Variants in SYT14 observed in about 807,000 individuals in gnomAD.
SYT14 encodes the protein synaptotagmin-14.
A neutral mutation model predicts 74.2 loss-of-function variants in SYT14; 32 were observed. That is an observed-to-expected ratio of 0.43 (90% confidence interval 0.33 to 0.58). The LOEUF (loss-of-function observed/expected upper bound fraction) is 0.58. Ranked by LOEUF, SYT14 falls within the 20% of genes least tolerant of loss-of-function variation. The probability of loss-of-function intolerance (pLI) is 0.05; values close to 1 mark genes in which losing one functional copy is unlikely to be tolerated. For synonymous variants in SYT14, 298 were observed against 337.7 expected (o/e 0.88, Z 1.29); for missense variants, 791 against 981.8 (o/e 0.81, Z 2.60).
intron 2 of SYT14, chr1:209,966,125 C>T (rs112227356): frequency 2.9e-6 from 1 of 344,262 alleles, no homozygotes; most frequent in African/African-American, 2.2e-5. Flanking sequence ...CTGCCTCAAC[C>T]TCGCAAAGTG....
chr1:210,117,804 C>G (rs1410426964), intron 7 of SYT14, among the ~76,000 whole-genome samples: 1 of 152,088 alleles, frequency 6.6e-6, no homozygotes, highest in Non-Finnish European at 1.5e-5. Flanking sequence ...GGTCAAGTCT[C>G]AAGAAATTTT....
At chr1:209,965,935 A>C (rs953639304) in intron 2 of SYT14, 1 of 454,334 alleles carries the variant, frequency 2.2e-6, no homozygotes, top group Non-Finnish European at 4.4e-6. Context: ...CAGTGGCACC[A>C]TCTTGGCTCA....
chr1:210,001,054 G>T (rs1223682498), intron 2 of SYT14, among the ~76,000 whole-genome samples: 1 of 152,178 alleles, frequency 6.6e-6, no homozygotes, highest in African/African-American at 2.4e-5. Context: ...ATGGAGGCTA[G>T]AATTGAATGT....
intron 2 of SYT14, among the ~76,000 whole-genome samples, chr1:209,981,217 G>T (rs2079478405): frequency 1.3e-5 from 2 of 152,072 alleles, no homozygotes; most frequent in South Asian, 4.1e-4. Context: ...TAGGGTCTAT[G>T]GGCTATGTAC....
At chr1:210,013,917 C>T in intron 3 of SYT14, 120 bp downstream of exon 3, 1 of 968,936 alleles carries the variant, frequency 1.0e-6, no homozygotes, top group Non-Finnish European at 1.5e-6. Flanking sequence ...ATTTGAGCTA[C>T]TGTTCTGTAA....
At chr1:209,952,272 T>G (rs1006750695) in intron 1 of SYT14, among the ~76,000 whole-genome samples, 2 of 152,198 alleles carry the variant, frequency 1.3e-5, no homozygotes, top group Non-Finnish European at 2.9e-5. Context: ...AGTGGGTTGT[T>G]GGAGAATATA....
chr1:210,131,463 A>G (rs947652260), intron 7 of SYT14, among the ~76,000 whole-genome samples: 3 of 152,054 alleles, frequency 2.0e-5, no homozygotes, highest in Non-Finnish European at 4.4e-5. Flanking sequence ...TATATACTAT[A>G]CTAAATATCT....
exon 10 of SYT14, chr1:210,168,480 CAT>C (rs757032493): frequency 3.9e-5 from 6 of 152,134 alleles, no homozygotes; most frequent in Non-Finnish European, 7.4e-5. Context: ...ATTACATTAA[CAT>C]GTGATCTCTC....
At chr1:209,977,506 TTTTC>T (rs571910749) in intron 2 of SYT14, among the ~76,000 whole-genome samples, 251 of 152,340 alleles carry the variant, frequency 1.6e-3, no homozygotes, top group Middle Eastern at 3.4e-3. Flanking sequence ...TTGAAAATTC[TTTTC>T]TTTAAGAATG....
chr1:210,156,246 ATTG>A, intron 8 of SYT14, among the ~76,000 whole-genome samples: 1 of 152,298 alleles, frequency 6.6e-6, no homozygotes, highest in South Asian at 2.1e-4. Flanking sequence ...GTATATAGCT[ATTG>A]TTGTTAACTG....
At chr1:210,019,388 A>G (rs1008385171) in intron 4 of SYT14, among the ~76,000 whole-genome samples, 2 of 152,166 alleles carry the variant, frequency 1.3e-5, no homozygotes, top group Non-Finnish European at 2.9e-5. Flanking sequence ...CAACAATGAA[A>G]AAGTCTTATA....
intron 1 of SYT14, among the ~76,000 whole-genome samples, chr1:209,942,368 C>A (rs1012897500): frequency 1.5e-5 from 2 of 132,338 alleles, no homozygotes; most frequent in South Asian, 2.8e-4. Context: ...TTACCCCCCC[C>A]CCCCCGCTCT....
intron 1 of SYT14, among the ~76,000 whole-genome samples, chr1:209,945,053 G>A (rs528585312): frequency 6.6e-6 from 1 of 152,164 alleles, no homozygotes; most frequent in African/African-American, 2.4e-5. Flanking sequence ...GCAGACATCT[G>A]TTTTATTAAG....
chr1:210,131,518 A>T (rs1390804309), intron 7 of SYT14, among the ~76,000 whole-genome samples: 3 of 151,606 alleles, frequency 2.0e-5, no homozygotes, highest in Non-Finnish European at 4.4e-5. Context: ...ACTTATGGAA[A>T]ATTATCCTTC....
At chr1:210,071,935 A>G (rs924577430) in intron 5 of SYT14, among the ~76,000 whole-genome samples, 4 of 151,866 alleles carry the variant, frequency 2.6e-5, no homozygotes, top group South Asian at 2.1e-4. Flanking sequence ...TGTCTTTCAT[A>G]TAATTAGAAG....
exon 10 of SYT14, chr1:210,168,088 TG>T (rs869131220): frequency 6.5e-6 from 1 of 154,068 alleles, no homozygotes; most frequent in South Asian, 2.0e-4. Flanking sequence ...GTGGTGGTGG[TG>T]GTTGTGTACT....
chr1:210,068,709 T>C (rs1040676863), intron 5 of SYT14, among the ~76,000 whole-genome samples: 6 of 151,752 alleles, frequency 4.0e-5, no homozygotes, highest in Admixed American at 3.9e-4. Context: ...GTTTACTTAA[T>C]TCTTTCAGGG....
In SYT14 at chr1:210,156,665, C is replaced by G. The variant is rs923019623; in HGVS notation, c.2224+755C>G. Among the ~76,000 whole-genome samples, 4 of 138,730 alleles carry G rather than the reference C, an allele frequency of 2.9e-5. No individual in the cohort carries two copies. In the South Asian group the frequency reaches 7.2e-4, roughly 25 times the overall value. The allele number at this position is 138,730 out of a possible 152,430, so 91.0% of individuals were successfully genotyped here. A position where few individuals can be genotyped will look rare whatever the true frequency, so the allele number is the denominator to read the frequency against. ...AATGTTGGTACCTAAAAGAGGTAAACTGGGAAAGTGGCAGCTTCTTTTTTT... is the reference window on the plus strand; with the variant it reads ...AATGTTGGTACCTAAAAGAGGTAAAGTGGGAAAGTGGCAGCTTCTTTTTTT... On this transcript the variant is annotated intron_variant, in intron 8 of 9. Coordinates refer to ENST00000637265, the Ensembl canonical transcript of SYT14.
intron 5 of SYT14, among the ~76,000 whole-genome samples, chr1:210,045,697 G>A (rs867661798): frequency 2.6e-5 from 4 of 152,216 alleles, no homozygotes; most frequent in African/African-American, 9.6e-5. Context: ...ATATTTATCA[G>A]AAGTAAATAG....
Sources: gnomAD v4.1 joint callset for allele counts (sites outside exome capture counted in the v4.1 genomes callset) on GRCh38, gnomAD v4.1.1 for gene constraint, MANE v1.5 for transcripts, NCBI Gene and HGNC (gene_info 2026-07-23, HGNC 2026-07-21) for gene names.